Variants in RGL1 observed in about 807,000 individuals in gnomAD.
RGL1 encodes ral guanine nucleotide dissociation stimulator-like 1.
RGL1 carries 24 observed loss-of-function variants against 95.2 expected under a neutral mutation model. The ratio of observed to expected loss-of-function variants is 0.25; its 90% CI spans 0.18 to 0.35. RGL1 has a LOEUF of 0.35. RGL1 is among the 10% of genes least tolerant of loss of function. The probability of loss-of-function intolerance (pLI) is 1.00; values close to 1 mark genes in which losing one functional copy is unlikely to be tolerated. For synonymous variants in RGL1, 329 were observed against 344.9 expected, an observed-to-expected ratio of 0.95 and a Z score of 0.51; for missense variants, 715 against 936.3, an observed-to-expected ratio of 0.76 and a Z score of 3.08.
At chr1:183,706,570 G>A (rs1031372952) in intron 1 of RGL1, among the ~76,000 whole-genome samples, 2 of 152,192 alleles carry the variant, frequency 1.3e-5, no homozygotes, top group African/African-American at 4.8e-5. Context: ...CTGACTTCCA[G>A]TTGGGTCCTC....
intron 2 of RGL1, among the ~76,000 whole-genome samples, chr1:183,821,228 A>G (rs979234347): frequency 1.3e-5 from 2 of 152,166 alleles, no homozygotes; most frequent in Non-Finnish European, 2.9e-5. Context: ...TATGGCTAGC[A>G]TTATATTTCT....
At chr1:183,875,297 T>C (rs1479345069) in intron 4 of RGL1, among the ~76,000 whole-genome samples, 1 of 152,204 alleles carries the variant, frequency 6.6e-6, no homozygotes. Flanking sequence ...ACTTCATACC[T>C]GAAAAAATTT....
At chr1:183,745,733 GT>G (rs141349113) in intron 2 of RGL1, among the ~76,000 whole-genome samples, 8,608 of 152,120 alleles carry the variant, frequency 0.057, 358 homozygotes, top group Admixed American at 0.13. Flanking sequence ...TATCTTGGTT[GT>G]TTTTGGAAAC....
intron 2 of RGL1, among the ~76,000 whole-genome samples, chr1:183,768,268 C>CA (rs1659088196): frequency 6.6e-6 from 1 of 151,718 alleles, no homozygotes; most frequent in Non-Finnish European, 1.5e-5. Context: ...TATTTTAGGA[C>CA]AAAAATTTAC....
intron 1 of RGL1, among the ~76,000 whole-genome samples, chr1:183,661,372 G>A (rs1169472729): frequency 6.6e-6 from 1 of 152,026 alleles, no homozygotes; most frequent in Admixed American, 6.5e-5. Flanking sequence ...ATGATAAAGG[G>A]GATATCACCA....
intron 3 of RGL1, among the ~76,000 whole-genome samples, chr1:183,849,438 A>G (rs1223910281): frequency 1.3e-5 from 2 of 150,162 alleles, no homozygotes; most frequent in Non-Finnish European, 3.0e-5. Context: ...TATTTATTGA[A>G]TGGGTTATTA....
At position 183,859,432 on chromosome 1, in the gene RGL1, G is replaced by T. The variant is rs184964021; in HGVS notation, c.348-6564G>T. On this transcript the variant is annotated intron_variant, in intron 3 of 17. Coordinates refer to ENST00000360851, the MANE Select transcript of RGL1 (RefSeq NM_001297671.3). Reference sequence around the variant, plus strand: ...CTTGAACTCCTCTTTAGACAGTTGTGGGTTAAGGGCTGGAAAGAAAGGTTA... The same window carrying T: ...CTTGAACTCCTCTTTAGACAGTTGTTGGTTAAGGGCTGGAAAGAAAGGTTA... Among the ~76,000 whole-genome samples the T allele has an allele frequency of 2.9e-3, 438 of 152,226 alleles. 2 individuals carry two copies. Among genetic ancestry groups the T allele is most frequent in the African/African-American group, 0.01 (426 of 41,532 alleles).
At position 183,874,879 on chromosome 1, in the gene RGL1, G is replaced by A. The variant is rs540366626; in HGVS notation, c.426-5737G>A. 2.6e-5 allele frequency among the ~76,000 whole-genome samples: 4 copies of A among 152,294 alleles called. No homozygotes were observed. In the South Asian group the frequency reaches 8.3e-4, roughly 32 times the overall value. On this transcript the variant is annotated intron_variant, in intron 4 of 17. Transcript: ENST00000360851. ...ACCTTCCCTGAAACAGAGCAAAACT[G>A]TTCTATGATTAGGAGAACAAGGTGG...
At chr1:183,700,128 G>C (rs1654497516) in intron 1 of RGL1, among the ~76,000 whole-genome samples, 1 of 152,088 alleles carries the variant, frequency 6.6e-6, no homozygotes, top group Admixed American at 6.5e-5. Context: ...CCCTCAACCT[G>C]CTCAGACCTG....
At chr1:183,782,480 G>T (rs1377916060) in intron 2 of RGL1, among the ~76,000 whole-genome samples, 1 of 152,154 alleles carries the variant, frequency 6.6e-6, no homozygotes, top group African/African-American at 2.4e-5. Context: ...CATAAAACTT[G>T]ATTTTTGAGG....
intron 2 of RGL1, among the ~76,000 whole-genome samples, chr1:183,828,785 C>T (rs373366957): frequency 6.6e-6 from 1 of 152,156 alleles, no homozygotes; most frequent in African/African-American, 2.4e-5. Context: ...TATTCATTTC[C>T]TCTGATCTGC....
chr1:183,892,545 C>T (rs991672791), intron 9 of RGL1, among the ~76,000 whole-genome samples: 1 of 152,302 alleles, frequency 6.6e-6, no homozygotes, highest in South Asian at 2.1e-4. Flanking sequence ...GCCTGCAATT[C>T]CACATCCTTT....
At chr1:183,643,629 T>A (rs190039336) in intron 1 of RGL1, among the ~76,000 whole-genome samples, 161 of 152,230 alleles carry the variant, frequency 1.1e-3, no homozygotes, top group South Asian at 2.3e-3. Flanking sequence ...TTTACTTTTT[T>A]AAATAGATTC....
intron 17 of RGL1, among the ~76,000 whole-genome samples, chr1:183,923,980 A>G (rs961191601): frequency 6.6e-5 from 10 of 152,044 alleles, no homozygotes; most frequent in African/African-American, 2.4e-4. Flanking sequence ...AGACTTGCAC[A>G]TTTTACCTTT....
chr1:183,880,854 C>G, intron 5 of RGL1, 54 bp downstream of exon 5: 2 of 1,515,830 alleles, frequency 1.3e-6, no homozygotes, highest in Non-Finnish European at 1.8e-6. Context: ...CTCCAGCCTC[C>G]ACGCTGGAGA....
intron 2 of RGL1, among the ~76,000 whole-genome samples, chr1:183,747,395 A>T (rs1045319839): frequency 2.0e-5 from 3 of 151,924 alleles, no homozygotes; most frequent in Admixed American, 2.0e-4. Flanking sequence ...ACCCCTGATG[A>T]TGAGCGTTTT....
At chr1:183,649,514 G>C (rs1244563453) in intron 1 of RGL1, among the ~76,000 whole-genome samples, 1 of 152,052 alleles carries the variant, frequency 6.6e-6, no homozygotes, top group Non-Finnish European at 1.5e-5. Flanking sequence ...TTTGAGACTA[G>C]GATCATGGGA....
intron 1 of RGL1, among the ~76,000 whole-genome samples, chr1:183,657,169 C>T (rs1572233095): frequency 6.6e-6 from 1 of 152,096 alleles, no homozygotes; most frequent in East Asian, 1.9e-4. Context: ...GACATTTTAA[C>T]AATATTAATT....
chr1:183,916,792 C>T (rs1669006700), intron 16 of RGL1, 91 bp downstream of exon 16: 1 of 1,412,354 alleles, frequency 7.1e-7, no homozygotes, highest in Admixed American at 2.0e-5. Context: ...CCTAAATATG[C>T]ACACTCAATA....
Sources: gnomAD v4.1 joint callset for allele counts (sites outside exome capture counted in the v4.1 genomes callset) on GRCh38, gnomAD v4.1.1 for gene constraint, MANE v1.5 for transcripts, NCBI Gene and HGNC (gene_info 2026-07-23, HGNC 2026-07-21) for gene names.